PPFIA2: variants seen among roughly 807,000 people sequenced by gnomAD.
The protein encoded by PPFIA2 is PPFI scaffold protein A2.
Under a neutral mutation model 175.5 loss-of-function variants are expected in PPFIA2, and 46 were observed. The observed-to-expected ratio is 0.26, with a 90% confidence interval of 0.21 to 0.34. The LOEUF (loss-of-function observed/expected upper bound fraction) is 0.34. Ranked by LOEUF, PPFIA2 falls within the 10% of genes least tolerant of loss-of-function variation. PPFIA2 has a pLI of 1.00. For synonymous variants in PPFIA2, 568 were observed against 511.4 expected (o/e 1.11, Z -1.49); for missense variants, 1,179 against 1,506.1 (o/e 0.78, Z 3.60).
At chr12:81,719,398 T>C (rs1268709642) in intron 3 of PPFIA2, among the ~76,000 whole-genome samples, 1 of 151,576 alleles carries the variant, frequency 6.6e-6, no homozygotes, top group Non-Finnish European at 1.5e-5. Context: ...AATTCTCCTA[T>C]ATGCAAGTTC....
chr12:81,337,073 T>C (rs1023397593), intron 21 of PPFIA2, among the ~76,000 whole-genome samples: 5 of 152,130 alleles, frequency 3.3e-5, no homozygotes, highest in African/African-American at 1.2e-4. Flanking sequence ...CATGTATCAT[T>C]TCCTTTGGTG....
chr12:81,655,848 C>T (rs564716151), intron 4 of PPFIA2, among the ~76,000 whole-genome samples: 7 of 151,974 alleles, frequency 4.6e-5, no homozygotes, highest in Middle Eastern at 3.4e-3. Flanking sequence ...ATCAGATCTG[C>T]GGAGAAGTAA....
In PPFIA2 at chr12:81,267,038, C is replaced by G; in HGVS notation, c.3487-18G>C. ...TGCCTTGCCTGTTGACGTCAAATTA[C>G]AGTTACCATCACCGAAATCACATTT... On this transcript the variant is annotated intron_variant, in intron 29 of 32. Transcript: ENST00000549396. 1 of 1,566,848 alleles carries G rather than the reference C, an allele frequency of 6.4e-7. No homozygotes were observed. Among genetic ancestry groups the G allele is most frequent in the Non-Finnish European group, 8.8e-7 (1 of 1,137,988 alleles).
intron 4 of PPFIA2, among the ~76,000 whole-genome samples, chr12:81,662,525 C>T (rs971591715): frequency 6.6e-6 from 1 of 152,102 alleles, no homozygotes; most frequent in African/African-American, 2.4e-5. Context: ...TCTGAATAGA[C>T]CAATAACAGG....
intron 22 of PPFIA2, among the ~76,000 whole-genome samples, chr12:81,321,209 C>G (rs567190971): frequency 6.6e-6 from 1 of 152,110 alleles, no homozygotes; most frequent in East Asian, 1.9e-4. Flanking sequence ...ATGTTTCAGG[C>G]AATTATCAAC....
At chr12:81,644,988 T>C (rs1280911940) in intron 4 of PPFIA2, among the ~76,000 whole-genome samples, 4 of 151,590 alleles carry the variant, frequency 2.6e-5, no homozygotes, top group South Asian at 2.1e-4. Context: ...AAGGGAGGAA[T>C]AGTAAAAATA....
At chr12:81,380,711 C>A (rs533328003) in intron 9 of PPFIA2, among the ~76,000 whole-genome samples, 18 of 152,024 alleles carry the variant, frequency 1.2e-4, no homozygotes, top group Non-Finnish European at 1.2e-4. Context: ...TCCGTGCTGC[C>A]GAGGAGGGAA....
rs76485143 is a variant in PPFIA2 at position 81,504,011 on chromosome 12, T to C, written c.304-46145A>G. Among the ~76,000 whole-genome samples, 8 of 152,186 alleles carry C rather than the reference T, an allele frequency of 5.3e-5. No homozygotes were observed. The East Asian group carries it at 1.5e-3, about 29-fold the overall frequency. On this transcript the variant is annotated intron_variant, in intron 4 of 32. Coordinates refer to ENST00000549396, the MANE Select transcript of PPFIA2 (RefSeq NM_003625.5). ...ATATTTAAAATAAGATGATTAAAGT[T>C]AGACAGTGATATATTGGAGACATTA... is the stretch of plus-strand genomic sequence containing the variant.
chr12:81,681,591 G>T (rs1456617982), intron 3 of PPFIA2, among the ~76,000 whole-genome samples: 1 of 151,884 alleles, frequency 6.6e-6, no homozygotes, highest in Non-Finnish European at 1.5e-5. Context: ...CCTGCTTCAA[G>T]AATTGGCATA....
chr12:81,457,411 A>G (rs755136063), intron 5 of PPFIA2, among the ~76,000 whole-genome samples: 4 of 151,292 alleles, frequency 2.6e-5, no homozygotes, highest in African/African-American at 4.9e-5. Context: ...TCTTTTGCCC[A>G]TTTCCAACCT....
chr12:81,545,363 G>T (rs957416063), intron 4 of PPFIA2: 1 of 152,090 alleles, frequency 6.6e-6, no homozygotes, highest in Non-Finnish European at 1.5e-5. Flanking sequence ...GGCAGTTGTT[G>T]TTCTCGGGTC....
At chr12:81,717,372 T>A (rs1466540980) in intron 3 of PPFIA2, among the ~76,000 whole-genome samples, 1 of 151,708 alleles carries the variant, frequency 6.6e-6, no homozygotes, top group Non-Finnish European at 1.5e-5. Context: ...GATCATAGTT[T>A]GCTAGCTTCA....
At chr12:81,320,665 G>C (rs1024837325) in intron 22 of PPFIA2, among the ~76,000 whole-genome samples, 1 of 151,932 alleles carries the variant, frequency 6.6e-6, no homozygotes, top group African/African-American at 2.4e-5. Context: ...ATAATGTTAC[G>C]AGGCAAGAGA....
chr12:81,447,846 ATAT>A (rs1390921116), intron 5 of PPFIA2, among the ~76,000 whole-genome samples: 1 of 152,178 alleles, frequency 6.6e-6, no homozygotes, highest in Admixed American at 6.5e-5. Context: ...ATAGTTTTAT[ATAT>A]CTCATACAGA....
chr12:81,542,853 C>T, intron 4 of PPFIA2, among the ~76,000 whole-genome samples: 1 of 151,990 alleles, frequency 6.6e-6, no homozygotes, highest in South Asian at 2.1e-4. Context: ...AGAATGAGCC[C>T]CCAACTTCCT....
chr12:81,518,307 G>T (rs1419301435), intron 4 of PPFIA2, among the ~76,000 whole-genome samples: 1 of 152,016 alleles, frequency 6.6e-6, no homozygotes, highest in African/African-American at 2.4e-5. Flanking sequence ...TCTATGTCCT[G>T]CTAATAACAA....
At chr12:81,680,853 G>A (rs1462419745) in intron 3 of PPFIA2, among the ~76,000 whole-genome samples, 1 of 151,938 alleles carries the variant, frequency 6.6e-6, no homozygotes, top group East Asian at 1.9e-4. Context: ...AGGTAAGTGA[G>A]GTGCCTATAG....
chr12:81,262,391 T>C (rs1189575066), intron 31 of PPFIA2, among the ~76,000 whole-genome samples: 1 of 152,148 alleles, frequency 6.6e-6, no homozygotes, highest in Non-Finnish European at 1.5e-5. Flanking sequence ...TCTACACTAA[T>C]TGTAATGATG....
In PPFIA2 at chr12:81,495,395, T is replaced by G. The variant is rs555488118; in HGVS notation, c.304-37529A>C. Among the ~76,000 whole-genome samples the G allele has an allele frequency of 5.9e-5, 9 of 152,294 alleles. No individual in the cohort carries two copies. In the South Asian group the frequency reaches 1.7e-3, roughly 28 times the overall value. On this transcript the variant is annotated intron_variant, in intron 4 of 32. Transcript: ENST00000549396. ...AAATAGAAAATTTATATTTTTTTAT[T>G]TTGCCTAAATTGTAGTTCCTTTTTT...
Sources: gnomAD v4.1 joint callset for allele counts (sites outside exome capture counted in the v4.1 genomes callset) on GRCh38, gnomAD v4.1.1 for gene constraint, MANE v1.5 for transcripts, NCBI Gene and HGNC (gene_info 2026-07-23, HGNC 2026-07-21) for gene names.